Variants in DCAF13 observed in about 807,000 individuals in gnomAD.
The protein encoded by DCAF13 is DDB1- and CUL4-associated factor 13.
Under a neutral mutation model 59.0 loss-of-function variants are expected in DCAF13, and 38 were observed. That is an observed-to-expected ratio of 0.64 (90% confidence interval 0.50 to 0.84). The LOEUF is 0.84. DCAF13 is among the 40% of genes least tolerant of loss of function. DCAF13 has a pLI of 0.00. For missense variants in DCAF13, 469 were observed against 558.4 expected, an observed-to-expected ratio of 0.84 and a Z score of 1.61; for synonymous variants, 173 against 175.0, an observed-to-expected ratio of 0.99 and a Z score of 0.09.
intron 6 of DCAF13, among the ~76,000 whole-genome samples, chr8:103,432,197 A>G (rs1218618113): frequency 6.6e-6 from 1 of 152,210 alleles, no homozygotes; most frequent in Non-Finnish European, 1.5e-5. Flanking sequence ...AACATCCTAC[A>G]GTGGATAGTC....
chr8:103,420,202 G>C, intron 1 of DCAF13, 62 bp from the exon 2 acceptor site: 1 of 1,449,232 alleles, frequency 6.9e-7, no homozygotes, highest in Non-Finnish European at 9.7e-7. Flanking sequence ...AGAGTGATTA[G>C]CTGAGGAAGA....
intron 7 of DCAF13, among the ~76,000 whole-genome samples, chr8:103,433,491 GT>G (rs924860689): frequency 2.6e-5 from 4 of 151,448 alleles, no homozygotes; most frequent in East Asian, 1.9e-4. Flanking sequence ...CTTAATACAT[GT>G]TTTTTTTAAG....
intron 1 of DCAF13, among the ~76,000 whole-genome samples, chr8:103,417,990 TGG>T (rs1294847240): frequency 1.3e-5 from 2 of 151,772 alleles, no homozygotes; most frequent in East Asian, 3.9e-4. Flanking sequence ...TAGCCGGGCA[TGG>T]TGGCGGGTGC....
chr8:103,432,666 T>C lies in DCAF13; in HGVS notation c.710T>C (p.Leu237Ser). ...CCATTCTTCCTTTCTCAGGTTATCT[T>C]AGATATGAGAACAAATACAATCTGT... ...RQATPLKKVI[L>S]DMRTNTICWN... Residue 237 changes from leucine (L) to serine (S), a missense_variant, in exon 7 of 11, where the codon TTA (leucine) becomes TCA (serine). This residue lies in a region of DCAF13 where 355 missense variants were observed against 399.1 expected (regional missense o/e 0.89). Coordinates refer to ENST00000612750, the MANE Select transcript of DCAF13 (RefSeq NM_015420.7). The C allele has an allele frequency of 6.3e-7, 1 of 1,587,120 alleles. No individual in the cohort carries two copies. Among genetic ancestry groups the C allele is most frequent in the Non-Finnish European group, 8.6e-7 (1 of 1,158,326 alleles).
intron 5 of DCAF13, chr8:103,427,483 G>A: frequency 2.0e-6 from 1 of 492,288 alleles, no homozygotes; most frequent in Non-Finnish European, 3.6e-6. Flanking sequence ...AGTGGTGTGT[G>A]CATTTGCCCA....
At chr8:103,427,994 A>G (rs1482959371) in intron 5 of DCAF13, 1 of 152,240 alleles carries the variant, frequency 6.6e-6, no homozygotes, top group Non-Finnish European at 1.5e-5. Flanking sequence ...ATCATAGCAT[A>G]TATAAGCCAA....
At chr8:103,421,413 G>A in intron 3 of DCAF13, 1 of 370,320 alleles carries the variant, frequency 2.7e-6, no homozygotes, top group South Asian at 2.3e-5. Flanking sequence ...AGGAATCATC[G>A]AAGTTTTGTG....
At chr8:103,417,182 G>A (rs919239089) in intron 1 of DCAF13, among the ~76,000 whole-genome samples, 6 of 152,156 alleles carry the variant, frequency 3.9e-5, no homozygotes, top group African/African-American at 1.4e-4. Flanking sequence ...TGCAAAGTGG[G>A]GAATTGATTC....
At chr8:103,420,159 A>G in intron 1 of DCAF13, 105 bp from the exon 2 acceptor site, 1 of 1,013,160 alleles carries the variant, frequency 9.9e-7, no homozygotes. Context: ...TAGGCATAGA[A>G]CAATGTCACT....
rs866401444 is a variant in DCAF13, at chr8:103,423,438, A to G, written c.378+2356A>G. ...GAATGAACCTGGAGGACATGATGCT[A>G]AGTTAAATAAGACAGATACCACATG... On this transcript the variant is annotated intron_variant, in intron 3 of 10. Coordinates refer to ENST00000612750, the MANE Select transcript of DCAF13 (RefSeq NM_015420.7). 3.3e-5 allele frequency among the ~76,000 whole-genome samples: 5 copies of G among 152,306 alleles called. 1 individual carries two copies. In the Middle Eastern group the frequency reaches 0.017, roughly 518 times the overall value.
intron 6 of DCAF13, among the ~76,000 whole-genome samples, chr8:103,431,523 T>C (rs1053550990): frequency 1.3e-5 from 2 of 152,224 alleles, no homozygotes; most frequent in African/African-American, 4.8e-5. Flanking sequence ...ATAAATATGA[T>C]AATCTTTCCA....
chr8:103,435,082 CATT>C (rs1189068286), intron 7 of DCAF13, among the ~76,000 whole-genome samples: 1 of 151,724 alleles, frequency 6.6e-6, no homozygotes, highest in Admixed American at 6.6e-5. Context: ...ATTTAATAAG[CATT>C]ATATATAATA....
chr8:103,434,212 AC>A (rs1816903226), intron 7 of DCAF13, among the ~76,000 whole-genome samples: 2 of 152,090 alleles, frequency 1.3e-5, no homozygotes, highest in Admixed American at 1.3e-4. Flanking sequence ...GTCTAGGCCG[AC>A]CAGTAATTAC....
intron 3 of DCAF13, among the ~76,000 whole-genome samples, chr8:103,424,444 T>C (rs576925804): frequency 2.0e-5 from 3 of 152,378 alleles, no homozygotes; most frequent in Admixed American, 1.3e-4. Flanking sequence ...TTGCAAAACA[T>C]AAACTTTTAT....
chr8:103,422,071 TAAG>T (rs893833975), intron 3 of DCAF13, among the ~76,000 whole-genome samples: 1 of 152,184 alleles, frequency 6.6e-6, no homozygotes, highest in African/African-American at 2.4e-5. Flanking sequence ...CAGGCAATAA[TAAG>T]AGGCTACCTT....
chr8:103,442,824 C>G lies in DCAF13; in HGVS notation c.1280C>G (p.Pro427Arg). 2 of 1,606,524 alleles carry G rather than the reference C, an allele frequency of 1.2e-6. No homozygotes were observed. The highest frequency in any genetic ancestry group is 1.7e-6 in the Non-Finnish European group (2 of 1,177,614). Residue 427 changes from proline to arginine, a missense_variant, in exon 11 of 11, where the codon CCT becomes CGT. Pro to Arg is a moderately radical substitution (Grantham distance 103). Transcript: ENST00000612750. ...GTGAATCGTATTAAACACAGCAAGC[C>G]TGGATCTGTGCCACTTGTGTCAGAG... Reference protein sequence around the residue: ...KEVNRIKHSKPGSVPLVSEKK... With the variant: ...KEVNRIKHSKRGSVPLVSEKK...
At chr8:103,421,290 A>C (rs1468772116) in intron 3 of DCAF13, 6 of 655,236 alleles carry the variant, frequency 9.2e-6, no homozygotes, top group South Asian at 8.0e-5. Flanking sequence ...ACTAATATTC[A>C]ATTTACCACA....
chr8:103,433,190 CTG>C (rs1816887957), intron 7 of DCAF13, among the ~76,000 whole-genome samples: 1 of 152,092 alleles, frequency 6.6e-6, no homozygotes, highest in Non-Finnish European at 1.5e-5. Context: ...TAAATAATGA[CTG>C]AACCATACAT....
At chr8:103,419,782 G>A (rs1020999416) in intron 1 of DCAF13, among the ~76,000 whole-genome samples, 2 of 152,132 alleles carry the variant, frequency 1.3e-5, no homozygotes, top group Non-Finnish European at 2.9e-5. Flanking sequence ...AGGCTGAGGC[G>A]TGTGGATCAC....
Sources: gnomAD v4.1 joint callset for allele counts (sites outside exome capture counted in the v4.1 genomes callset) on GRCh38, gnomAD v4.1.1 for gene constraint, gnomAD v4.1.1 regional missense constraint, MANE v1.5 for transcripts, NCBI Gene and HGNC (gene_info 2026-07-23, HGNC 2026-07-21) for gene names.